The following GATAD2B variants were observed in gnomAD, a reference collection of about 807,000 sequenced individuals.
The protein encoded by GATAD2B is transcriptional repressor p66-beta.
In GATAD2B, 8 loss-of-function variants were observed where a neutral mutation model predicts 64.3. That is an observed-to-expected ratio of 0.12 (90% CI 0.07 to 0.22). The LOEUF is 0.22. Among genes scored for constraint, GATAD2B ranks in the 10% least tolerant of loss-of-function variants. The pLI, the probability that GATAD2B is intolerant of heterozygous loss-of-function variation, is 1.00. For synonymous variants in GATAD2B, 281 were observed against 271.3 expected, an observed-to-expected ratio of 1.04 and a Z score of -0.35; for missense variants, 453 against 752.0, an observed-to-expected ratio of 0.60 and a Z score of 4.65.
rs71093297 is a variant in GATAD2B, at chr1:153,878,774, CTTTTTTTTT to C, written c.-2+43950_-2+43958del. Among the ~76,000 whole-genome samples the C allele has an allele frequency of 4.6e-5, 5 of 108,142 alleles. No homozygotes were observed. In the East Asian group the frequency reaches 8.1e-4, roughly 17 times the overall value. The allele number at this position is 108,142 out of a possible 152,430, so 70.9% of individuals were successfully genotyped here. ...TAACAGTGTGACCCATACTTTATTC[CTTTTTTTTT>C]TTTTTTTTTTTTGAGACAGAGTATT... On this transcript the variant is annotated intron_variant, in intron 1 of 10. Coordinates refer to ENST00000368655, the MANE Select transcript of GATAD2B (RefSeq NM_020699.4).
chr1:153,842,015 T>C (rs1387009203), intron 1 of GATAD2B, among the ~76,000 whole-genome samples: 1 of 152,164 alleles, frequency 6.6e-6, no homozygotes, highest in African/African-American at 2.4e-5. Context: ...CAGGCTGGAG[T>C]GCAGTGGCTA....
At chr1:153,903,434 A>G (rs1484592258) in intron 1 of GATAD2B, among the ~76,000 whole-genome samples, 1 of 152,192 alleles carries the variant, frequency 6.6e-6, no homozygotes, top group Admixed American at 6.5e-5. Context: ...TTTGAGATTC[A>G]GGATTACAGA....
At chr1:153,869,939 A>G (rs959224688) in intron 1 of GATAD2B, among the ~76,000 whole-genome samples, 1 of 150,606 alleles carries the variant, frequency 6.6e-6, no homozygotes, top group Non-Finnish European at 1.5e-5. Flanking sequence ...CAGCTGGAAC[A>G]ACATGGCAAA....
chr1:153,836,822 A>G (rs1235948666), intron 1 of GATAD2B, among the ~76,000 whole-genome samples: 1 of 152,208 alleles, frequency 6.6e-6, no homozygotes, highest in Non-Finnish European at 1.5e-5. Context: ...GGGTGCCATC[A>G]TTACCTTGGC....
chr1:153,839,103 T>A (rs1675376693), intron 1 of GATAD2B, among the ~76,000 whole-genome samples: 2 of 55,646 alleles, frequency 3.6e-5, no homozygotes, highest in Non-Finnish European at 6.0e-5. Flanking sequence ...AACGAGACCC[T>A]GTCTCAAAAA....
chr1:153,815,280 C>CAAAAAAAAAA lies in GATAD2B; in HGVS notation c.1216+983_1216+992dup, dbSNP rs1159204191. On this transcript the variant is annotated intron_variant, in intron 7 of 10. Transcript: ENST00000368655. The stretch of plus-strand genomic sequence containing the variant: ...AGGGTCAGACCCTGTCTCAAAAAAA[C>CAAAAAAAAAA]AAAAAAAAAAAACAAAAAAAAAAAA... 5.8e-3 allele frequency among the ~76,000 whole-genome samples: 385 copies of CAAAAAAAAAA among 66,444 alleles called. 12 individuals carry two copies. The highest frequency in any genetic ancestry group is 7.2e-3 in the Non-Finnish European group (266 of 36,952). The allele number at this position is 66,444 out of a possible 152,430, so 43.6% of individuals were successfully genotyped here.
chr1:153,835,364 A>G (rs2101897094), intron 1 of GATAD2B, among the ~76,000 whole-genome samples: 1 of 152,298 alleles, frequency 6.6e-6, no homozygotes, highest in East Asian at 1.9e-4. Context: ...ACCGCATGCT[A>G]TATGAAAATC....
intron 2 of GATAD2B, among the ~76,000 whole-genome samples, chr1:153,826,006 CTT>C (rs11319966): frequency 6.9e-4 from 98 of 142,942 alleles, no homozygotes; most frequent in Non-Finnish European, 9.5e-4. Flanking sequence ...TATAAACTGA[CTT>C]TTTTTTTTTT....
rs1444861406 is a variant in GATAD2B at position 153,806,155 on chromosome 1, G to A, written c.*4022C>T. 1 of 152,192 alleles carries A rather than the reference G, an allele frequency of 6.6e-6. No homozygotes were observed. The highest frequency in any genetic ancestry group is 1.5e-5 in the Non-Finnish European group (1 of 68,044). The allele number at this position is 152,192 out of a possible 1,614,324, so 9.4% of individuals were successfully genotyped here. ...CTGATGCAATCAGAGGAAAAAAACA[G>A]TGCAAATACAATTACAATTCATAAT... On this transcript the variant is annotated 3_prime_UTR_variant, in exon 11 of 11. Coordinates refer to ENST00000368655, the MANE Select transcript of GATAD2B (RefSeq NM_020699.4).
At chr1:153,921,240 C>T (rs139979679) in intron 1 of GATAD2B, among the ~76,000 whole-genome samples, 37 of 152,300 alleles carry the variant, frequency 2.4e-4, no homozygotes, top group Non-Finnish European at 4.7e-4. Context: ...AACATATAGG[C>T]ACCATGCTGC....
chr1:153,848,970 C>CA (rs1675786952), intron 1 of GATAD2B, among the ~76,000 whole-genome samples: 1 of 128,198 alleles, frequency 7.8e-6, no homozygotes, highest in Non-Finnish European at 1.7e-5. Flanking sequence ...AAAAAACAAA[C>CA]AAACCCCCCC....
intron 1 of GATAD2B, among the ~76,000 whole-genome samples, chr1:153,859,336 C>T (rs958287064): frequency 1.3e-5 from 2 of 148,854 alleles, no homozygotes; most frequent in Non-Finnish European, 3.0e-5. Context: ...CACTGCACTC[C>T]AGCCTGGGTG....
rs1678498706 is a variant in GATAD2B, at chr1:153,922,759, T to C, written c.-28A>G. 6.6e-6 allele frequency: 1 copy of C among 151,416 alleles called. No homozygotes were observed. Among genetic ancestry groups the C allele is most frequent in the South Asian group, 2.1e-4 (1 of 4,834 alleles). The allele number at this position is 151,416 out of a possible 1,614,324, so 9.4% of individuals were successfully genotyped here. A position where few individuals can be genotyped will look rare whatever the true frequency, so the allele number is the denominator to read the frequency against. ...TGGCGGTGGCGGTGTAACTCCCGGC[T>C]AGCTCGCCTCCTCAGGCGGCGGCGG... On this transcript the variant is annotated 5_prime_UTR_variant, in exon 1 of 11. Coordinates refer to ENST00000368655, the MANE Select transcript of GATAD2B (RefSeq NM_020699.4).
chr1:153,877,905 AG>A (rs1219783868), intron 1 of GATAD2B, among the ~76,000 whole-genome samples: 6 of 149,196 alleles, frequency 4.0e-5, no homozygotes, highest in Non-Finnish European at 5.9e-5. Context: ...AAAAAAAAAA[AG>A]GGTAATTATT....
chr1:153,862,141 T>C (rs1215485902), intron 1 of GATAD2B, among the ~76,000 whole-genome samples: 1 of 146,634 alleles, frequency 6.8e-6, no homozygotes, highest in East Asian at 2.0e-4. Context: ...TTTTTTTTTT[T>C]AGACTGAGTC....
intron 1 of GATAD2B, among the ~76,000 whole-genome samples, chr1:153,872,188 G>A (rs763182541): frequency 6.6e-6 from 1 of 150,622 alleles, no homozygotes; most frequent in African/African-American, 2.4e-5. Context: ...GTGTGGTAGC[G>A]TGTGCCTGTA....
chr1:153,885,724 G>A (rs890178066), intron 1 of GATAD2B, among the ~76,000 whole-genome samples: 8 of 151,930 alleles, frequency 5.3e-5, no homozygotes, highest in African/African-American at 2.4e-5. Flanking sequence ...TTAGCCGGGC[G>A]TGGTGGTGGG....
chr1:153,889,852 T>C (rs889668531), intron 1 of GATAD2B, among the ~76,000 whole-genome samples: 6 of 152,004 alleles, frequency 3.9e-5, no homozygotes, highest in African/African-American at 1.5e-4. Flanking sequence ...TCACAGGAAA[T>C]TTACAAACAT....
chr1:153,911,034 C>T (rs1393056682), intron 1 of GATAD2B, among the ~76,000 whole-genome samples: 10 of 152,098 alleles, frequency 6.6e-5, no homozygotes, highest in African/African-American at 9.7e-5. Flanking sequence ...TAAAATATTT[C>T]GGTTCACAGA....
Sources: allele counts gnomAD v4.1 joint callset (sites outside exome capture counted in the v4.1 genomes callset), GRCh38; gene constraint gnomAD v4.1.1; transcripts MANE v1.5; gene names NCBI Gene and HGNC (gene_info 2026-07-23, HGNC 2026-07-21).